ANK3: variants seen among roughly 807,000 people sequenced by gnomAD.
The protein encoded by ANK3 is ankyrin 3, also known as ankyrin-3.
Under a neutral mutation model 370.9 loss-of-function variants are expected in ANK3, and 57 were observed. The observed-to-expected ratio is 0.15, with a 90% confidence interval of 0.12 to 0.19. ANK3 has a LOEUF of 0.19. Among genes scored for constraint, ANK3 ranks in the 10% least tolerant of loss-of-function variants. The pLI is 1.00. For missense variants in ANK3, 4,439 were observed against 5,302.1 expected, an observed-to-expected ratio of 0.84 and a Z score of 5.06; for synonymous variants, 1,929 against 1,946.3, an observed-to-expected ratio of 0.99 and a Z score of 0.23.
At chr10:60,089,459 T>TTGTGTGTGTGTGTGTG (rs61497871) in intron 28 of ANK3, among the ~76,000 whole-genome samples, 1 of 141,538 alleles carries the variant, frequency 7.1e-6, no homozygotes, top group Non-Finnish European at 1.5e-5. Flanking sequence ...TCCATCCAGG[T>TTGTGTGTGTGTGTGTG]TGTGTGTGTG....
intron 2 of ANK3, among the ~76,000 whole-genome samples, chr10:60,550,569 G>C (rs547487746): frequency 6.6e-6 from 1 of 151,576 alleles, no homozygotes; most frequent in Non-Finnish European, 1.5e-5. Context: ...TCATGACAAG[G>C]TATATTTCTT....
chr10:60,477,040 G>A (rs1250116983), intron 2 of ANK3, among the ~76,000 whole-genome samples: 3 of 152,020 alleles, frequency 2.0e-5, no homozygotes, highest in Non-Finnish European at 4.4e-5. Context: ...ACCAAAAAAG[G>A]TCACTTCTAT....
At chr10:60,139,706 T>C (rs2094486853) in intron 23 of ANK3, 5 of 153,096 alleles carry the variant, frequency 3.3e-5, no homozygotes, top group Middle Eastern at 3.4e-3. Context: ...GAAATCTACA[T>C]GGAAAGCAAC....
At chr10:60,374,552 AC>A (rs1280990316) in intron 1 of ANK3, among the ~76,000 whole-genome samples, 1 of 152,174 alleles carries the variant, frequency 6.6e-6, no homozygotes, top group African/African-American at 2.4e-5. Flanking sequence ...AGTTATTCTC[AC>A]CAGAACTAAG....
chr10:60,229,105 T>C (rs554493798), intron 8 of ANK3, among the ~76,000 whole-genome samples: 1 of 152,350 alleles, frequency 6.6e-6, no homozygotes, highest in African/African-American at 2.4e-5. Flanking sequence ...TTCAAAGATA[T>C]TCTCTCGTGT....
chr10:60,086,991 C>CAAAAAA (rs34256603), intron 29 of ANK3, 107 bp from the exon 30 acceptor site: 29 of 144,768 alleles, frequency 2.0e-4, no homozygotes, highest in African/African-American at 9.9e-4. Flanking sequence ...AACAGACAAC[C>CAAAAAA]AAAAAAAAAA....
intron 2 of ANK3, among the ~76,000 whole-genome samples, chr10:60,441,779 T>C (rs112552232): frequency 1.3e-5 from 2 of 152,238 alleles, no homozygotes; most frequent in Admixed American, 1.3e-4. Flanking sequence ...TTTTTATATA[T>C]GGTAAGCTTA....
chr10:60,590,118 C>G (rs1215037752), intron 2 of ANK3, among the ~76,000 whole-genome samples: 4 of 152,190 alleles, frequency 2.6e-5, no homozygotes, highest in Non-Finnish European at 4.4e-5. Context: ...TAGTCCAGAA[C>G]TATTTACTGA....
chr10:60,641,032 T>G (rs915887968), intron 1 of ANK3, among the ~76,000 whole-genome samples: 7 of 149,974 alleles, frequency 4.7e-5, no homozygotes, highest in Non-Finnish European at 8.9e-5. Context: ...CATTCACAAT[T>G]GCTTCAAAGA....
chr10:60,261,444 T>TTTGGAATCTAC (rs1201086266), intron 7 of ANK3, among the ~76,000 whole-genome samples: 33 of 152,314 alleles, frequency 2.2e-4, no homozygotes, highest in African/African-American at 7.7e-4. Flanking sequence ...TTGGATTCTG[T>TTTGGAATCTAC]AGTTTAGGCC....
At chr10:60,109,926 G>A (rs765393559) in intron 26 of ANK3, among the ~76,000 whole-genome samples, 13 of 152,102 alleles carry the variant, frequency 8.5e-5, no homozygotes, top group Admixed American at 5.9e-4. Flanking sequence ...CACAGTTATC[G>A]TTATCACAGA....
At chr10:60,624,728 A>G (rs2078385024) in intron 1 of ANK3, among the ~76,000 whole-genome samples, 1 of 151,990 alleles carries the variant, frequency 6.6e-6, no homozygotes, top group Non-Finnish European at 1.5e-5. Flanking sequence ...GCTTTAAAAA[A>G]AAAAAAAAAA....
intron 43 of ANK3, among the ~76,000 whole-genome samples, chr10:60,032,616 A>G (rs2073953066): frequency 6.6e-6 from 1 of 152,168 alleles, no homozygotes; most frequent in African/African-American, 2.4e-5. Flanking sequence ...ATGAGTAGCA[A>G]GGCCTTTCTC....
At chr10:60,447,301 GTAGAGA>G (rs1471085271) in intron 2 of ANK3, among the ~76,000 whole-genome samples, 12 of 152,332 alleles carry the variant, frequency 7.9e-5, no homozygotes, top group South Asian at 6.2e-4. Context: ...CAAATGGAGA[GTAGAGA>G]TAAAGTATCC....
chr10:60,521,293 T>C (rs900547903), intron 2 of ANK3, among the ~76,000 whole-genome samples: 2 of 152,126 alleles, frequency 1.3e-5, no homozygotes, highest in Admixed American at 6.6e-5. Context: ...ACTAATTTTT[T>C]TAAATACCTA....
chr10:60,684,330 C>G (rs2079238647), intron 1 of ANK3, among the ~76,000 whole-genome samples: 1 of 152,174 alleles, frequency 6.6e-6, no homozygotes. Flanking sequence ...CCGCCCATGC[C>G]TCCCTGGTGC....
intron 28 of ANK3, among the ~76,000 whole-genome samples, chr10:60,098,935 T>C (rs1379719554): frequency 6.6e-6 from 1 of 152,222 alleles, no homozygotes; most frequent in Non-Finnish European, 1.5e-5. Context: ...CCCTCCAGTT[T>C]TAGCAGTCTA....
At chr10:60,413,001 G>T (rs1159952065) in intron 2 of ANK3, among the ~76,000 whole-genome samples, 1 of 152,164 alleles carries the variant, frequency 6.6e-6, no homozygotes, top group Non-Finnish European at 1.5e-5. Flanking sequence ...ATCCACTAAA[G>T]TCTACTCATT....
intron 1 of ANK3, among the ~76,000 whole-genome samples, chr10:60,691,044 G>T (rs1157635894): frequency 2.0e-5 from 3 of 152,098 alleles, no homozygotes; most frequent in Non-Finnish European, 2.9e-5. Context: ...CACTGAACAG[G>T]TCAATTGTGT....
Sources: gnomAD v4.1 joint callset for allele counts (sites outside exome capture counted in the v4.1 genomes callset) on GRCh38, gnomAD v4.1.1 for gene constraint, MANE v1.5 for transcripts, NCBI Gene and HGNC (gene_info 2026-07-23, HGNC 2026-07-21) for gene names.